The following TCF12 variants were observed in gnomAD, a reference collection of about 807,000 sequenced individuals.
TCF12 encodes transcription factor 12.
In TCF12, 45 loss-of-function variants were observed where a neutral mutation model predicts 86.0. The observed-to-expected ratio is 0.52, with a 90% confidence interval of 0.41 to 0.67. TCF12 has a LOEUF of 0.67. Among genes scored for constraint, TCF12 ranks in the 30% least tolerant of loss-of-function variants. TCF12 has a pLI of 0.00. For synonymous variants in TCF12, 330 were observed against 299.6 expected (o/e 1.10, Z -1.05); for missense variants, 881 against 859.9 (o/e 1.02, Z -0.31).
chr15:56,956,018 C>T (rs1185833195), intron 3 of TCF12, among the ~76,000 whole-genome samples: 1 of 152,036 alleles, frequency 6.6e-6, no homozygotes, highest in Non-Finnish European at 1.5e-5. Flanking sequence ...GCTTAGAAAT[C>T]CACATTGTGT....
intron 19 of TCF12, chr15:57,278,729 C>CCTCCCTCTCCCTCCCTCA (rs1567041477): frequency 1.2e-5 from 1 of 80,014 alleles, no homozygotes; most frequent in African/African-American, 7.5e-5. Context: ...TCCCTCCCTC[C>CCTCCCTCTCCCTCCCTCA]CCTCTCTCTC....
Position 57,185,596 on chromosome 15 carries a change from T to G in TCF12, c.391-6562T>G, listed in dbSNP as rs1597151688. Among the ~76,000 whole-genome samples the G allele has an allele frequency of 2.0e-5, 3 of 152,300 alleles. No homozygotes were observed. In the East Asian group the frequency reaches 5.8e-4, roughly 29 times the overall value. ...TGGAATCAACAAAATCAAAATTGGT[T>G]CTTTAAAAATATCAACAAGGTGACT... On this transcript the variant is annotated intron_variant, in intron 6 of 20. Transcript: ENST00000333725.
At chr15:57,048,800 A>G (rs114320413) in intron 3 of TCF12, among the ~76,000 whole-genome samples, 1,765 of 152,324 alleles carry the variant, frequency 0.012, 31 homozygotes, top group African/African-American at 0.04. Flanking sequence ...AAATTTATAT[A>G]TGGTGAAATA....
At chr15:57,185,054 A>G (rs2056587153) in intron 6 of TCF12, among the ~76,000 whole-genome samples, 1 of 152,192 alleles carries the variant, frequency 6.6e-6, no homozygotes, top group African/African-American at 2.4e-5. Flanking sequence ...AATTTGTACA[A>G]TTAATGCTAA....
intron 5 of TCF12, among the ~76,000 whole-genome samples, chr15:57,160,171 A>G (rs1306942929): frequency 1.3e-5 from 2 of 152,256 alleles, no homozygotes; most frequent in African/African-American, 4.8e-5. Flanking sequence ...TAATGAAGAC[A>G]TACCTGGGAC....
chr15:57,081,655 A>G (rs2070671253), intron 4 of TCF12, among the ~76,000 whole-genome samples: 1 of 152,150 alleles, frequency 6.6e-6, no homozygotes, highest in Non-Finnish European at 1.5e-5. Flanking sequence ...CTCCTACCTC[A>G]GCCTCCCAAG....
chr15:57,100,134 T>C (rs2049622526), intron 5 of TCF12, among the ~76,000 whole-genome samples: 1 of 152,186 alleles, frequency 6.6e-6, no homozygotes, highest in South Asian at 2.1e-4. Context: ...CCATTGTTTG[T>C]GTCTAGTTCT....
chr15:57,236,472 T>G (rs2059385070), intron 12 of TCF12, among the ~76,000 whole-genome samples: 1 of 152,206 alleles, frequency 6.6e-6, no homozygotes, highest in African/African-American at 2.4e-5. Flanking sequence ...TTTTGAAATT[T>G]TAAGTTCTTT....
intron 3 of TCF12, among the ~76,000 whole-genome samples, chr15:57,004,696 A>G (rs943494078): frequency 9.2e-5 from 14 of 152,080 alleles, no homozygotes; most frequent in African/African-American, 3.4e-4. Flanking sequence ...GGTGTGAGCC[A>G]CCGCGACCGA....
At chr15:57,202,487 G>C (rs1285819104) in intron 8 of TCF12, among the ~76,000 whole-genome samples, 1 of 139,538 alleles carries the variant, frequency 7.2e-6, no homozygotes, top group Non-Finnish European at 1.5e-5. Flanking sequence ...CCAGGCTAGC[G>C]TGCAGTGGCA....
intron 4 of TCF12, among the ~76,000 whole-genome samples, chr15:57,074,043 C>A (rs1415349818): frequency 6.6e-6 from 1 of 152,146 alleles, no homozygotes; most frequent in African/African-American, 2.4e-5. Context: ...AGCCACCACG[C>A]CCGGCCTTAG....
chr15:57,214,113 A>G (rs1237976075), intron 8 of TCF12: 1 of 152,228 alleles, frequency 6.6e-6, no homozygotes, highest in Non-Finnish European at 1.5e-5. Context: ...AGGAAAGGGG[A>G]AAGAAAGGGA....
Position 57,091,886 on chromosome 15 carries a change from T to C in TCF12, c.320T>C (p.Leu107Pro). The change falls in exon 5 of 21, where the codon CTG becomes CCG. Residue 107 changes from leucine to proline, a missense_variant. By Grantham distance (98) the Leu-to-Pro change is moderately conservative (BLOSUM62 -3). Around this residue, in one of 3 missense-constraint regions of TCF12, gnomAD observed 766 missense variants for 718.9 expected, o/e 1.07. Transcript: ENST00000333725. ...LSPTPFMNSN[L>P]MGKTSERGSF... ...CCAACACCTTTCATGAACTCAAATC[T>C]GATGGGTAAGTTGGTAATTCTCTGC... 6.2e-7 allele frequency: 1 copy of C among 1,613,132 alleles called. No homozygotes were observed. The highest frequency in any genetic ancestry group is 8.5e-7 in the Non-Finnish European group (1 of 1,179,230).
chr15:57,121,595 C>G (rs1410959749), intron 5 of TCF12, among the ~76,000 whole-genome samples: 1 of 152,176 alleles, frequency 6.6e-6, no homozygotes, highest in East Asian at 1.9e-4. Context: ...ATCTCTTGCC[C>G]TTCTGCCATT....
intron 6 of TCF12, among the ~76,000 whole-genome samples, chr15:57,181,971 C>G (rs2056382521): frequency 6.6e-6 from 1 of 151,978 alleles, no homozygotes; most frequent in Non-Finnish European, 1.5e-5. Context: ...AAAAGATAGT[C>G]TAGATGACTA....
intron 6 of TCF12, among the ~76,000 whole-genome samples, chr15:57,187,938 AAAAAAAT>A: frequency 6.6e-6 from 1 of 152,078 alleles, no homozygotes; most frequent in South Asian, 2.1e-4. Flanking sequence ...ACTCCATCTC[AAAAAAAT>A]AAAAAATAAA....
intron 3 of TCF12, among the ~76,000 whole-genome samples, chr15:57,045,720 ATTTT>A (rs2067189418): frequency 2.0e-5 from 3 of 151,914 alleles, no homozygotes; most frequent in Admixed American, 2.0e-4. Context: ...TAATTTTTGT[ATTTT>A]TTGTAGAGAT....
chr15:57,167,268 G>A (rs1416827444), intron 6 of TCF12, among the ~76,000 whole-genome samples: 1 of 152,122 alleles, frequency 6.6e-6, no homozygotes, highest in African/African-American at 2.4e-5. Context: ...ATAAAATAAT[G>A]TATTGTAGTA....
At chr15:56,991,022 C>T (rs758137117) in intron 3 of TCF12, among the ~76,000 whole-genome samples, 5 of 152,086 alleles carry the variant, frequency 3.3e-5, no homozygotes, top group African/African-American at 4.8e-5. Flanking sequence ...TGTCAAACTC[C>T]TGGGCTTAAT....
Sources: gnomAD v4.1 joint callset for allele counts (sites outside exome capture counted in the v4.1 genomes callset) on GRCh38, gnomAD v4.1.1 for gene constraint, gnomAD v4.1.1 regional missense constraint, MANE v1.5 for transcripts, NCBI Gene and HGNC (gene_info 2026-07-23, HGNC 2026-07-21) for gene names.